DHRS12: variants seen among roughly 807,000 people sequenced by gnomAD.
DHRS12 encodes dehydrogenase/reductase SDR family member 12.
A neutral mutation model predicts 32.1 loss-of-function variants in DHRS12; 29 were observed. The observed-to-expected ratio is 0.90, with a 90% CI of 0.67 to 1.23. DHRS12 has a LOEUF of 1.23. DHRS12 is among the 50% of genes most tolerant of loss of function. DHRS12 has a pLI of 0.00. For synonymous variants in DHRS12, 150 were observed against 135.9 expected, an observed-to-expected ratio of 1.10 and a Z score of -0.72; for missense variants, 330 against 337.2, an observed-to-expected ratio of 0.98 and a Z score of 0.17.
At chr13:51,802,848 T>C (rs970817731) in intron 1 of DHRS12, among the ~76,000 whole-genome samples, 15 of 152,242 alleles carry the variant, frequency 9.9e-5, no homozygotes, top group African/African-American at 2.9e-4. Flanking sequence ...TTGGGCCCCT[T>C]GGCCTCACTT....
At chr13:51,791,922 G>A (rs1955291668) in intron 2 of DHRS12, among the ~76,000 whole-genome samples, 1 of 152,230 alleles carries the variant, frequency 6.6e-6, no homozygotes, top group Admixed American at 6.5e-5. Flanking sequence ...GTCGTTGCAG[G>A]ATTTCTTTCC....
intron 7 of DHRS12, among the ~76,000 whole-genome samples, chr13:51,770,153 T>A (rs1300699640): frequency 6.6e-6 from 1 of 152,210 alleles, no homozygotes. Flanking sequence ...AAAATAAACA[T>A]CTTTTTTTCT....
chr13:51,789,835 T>C (rs1955180282), intron 4 of DHRS12, 176 bp downstream of exon 4: 4 of 985,194 alleles, frequency 4.1e-6, no homozygotes, highest in Non-Finnish European at 4.8e-6. Flanking sequence ...ATAAGAAACA[T>C]GAAAAGAGAA....
intron 3 of DHRS12, among the ~76,000 whole-genome samples, chr13:51,790,529 G>T (rs1281883880): frequency 6.6e-6 from 1 of 152,150 alleles, no homozygotes; most frequent in Non-Finnish European, 1.5e-5. Flanking sequence ...AGATGGCATA[G>T]ATAATTTTTT....
chr13:51,804,072 C>A lies in DHRS12; in HGVS notation c.-27G>T. 1 of 1,493,296 alleles carries A rather than the reference C, an allele frequency of 6.7e-7. No homozygotes were observed. Among genetic ancestry groups the A allele is most frequent in the Non-Finnish European group, 8.9e-7 (1 of 1,128,350 alleles). 92.5% of individuals were successfully genotyped at this position (1,493,296 alleles called of 1,614,324 possible). ...GCCTTACTTGGTGTACTCGCGCAGC[C>A]CCTTGGCGAACCACACGACGCTGCG... On this transcript the variant is annotated 5_prime_UTR_variant, in exon 1 of 9. Transcript: ENST00000444610.
chr13:51,782,638 T>C lies in DHRS12; in HGVS notation c.302-5517A>G, dbSNP rs1158791735. On this transcript the variant is annotated intron_variant, in intron 4 of 8. Coordinates refer to ENST00000444610, the MANE Select transcript of DHRS12 (RefSeq NM_001377533.1). This position sits in a 1 kb window ranked among gnomAD's most constrained non-coding sequence, Gnocchi z 4.2. ...TGGTGGAGGAAGTGCTGTGCAGGCTTTTCTCCAGGGCCTAGCCAGGTGACT... is the reference window on the plus strand; with the variant it reads ...TGGTGGAGGAAGTGCTGTGCAGGCTCTTCTCCAGGGCCTAGCCAGGTGACT... Among the ~76,000 whole-genome samples the C allele has an allele frequency of 6.6e-6, 1 of 152,092 alleles. No individual in the cohort carries two copies. The highest frequency in any genetic ancestry group is 1.5e-5 in the Non-Finnish European group (1 of 67,998).
chr13:51,773,648 C>A (rs1169172274), intron 6 of DHRS12, among the ~76,000 whole-genome samples: 4 of 152,094 alleles, frequency 2.6e-5, no homozygotes, highest in Non-Finnish European at 5.9e-5. Context: ...CAGCACAGGG[C>A]AATGGATCCC....
chr13:51,758,311 A>G, the DHRS12 span: 2 of 1,564,720 alleles, frequency 1.3e-6, no homozygotes, highest in Non-Finnish European at 1.8e-6. Flanking sequence ...GTAAGATGCC[A>G]TCTTATTAAG....
chr13:51,768,632 G>C, intron 8 of DHRS12: 23 of 1,150,732 alleles, frequency 2.0e-5, no homozygotes, highest in Non-Finnish European at 2.5e-5. Flanking sequence ...ATCAAGAACA[G>C]AGGAAAGAGA....
In DHRS12 at chr13:51,770,729, T is replaced by C; in HGVS notation, c.559+1092A>G. 2 of 991,024 alleles carry C rather than the reference T, an allele frequency of 2.0e-6. 1 individual carries two copies. Among genetic ancestry groups the C allele is most frequent in the South Asian group, 8.7e-5 (2 of 22,920 alleles). The allele number at this position is 991,024 out of a possible 1,614,324, so 61.4% of individuals were successfully genotyped here. On this transcript the variant is annotated intron_variant, in intron 7 of 8. Coordinates refer to ENST00000444610, the MANE Select transcript of DHRS12 (RefSeq NM_001377533.1). ...CCACAAAGCACCAACACACACCTCT[T>C]TCTATAGGGGTGTGGTAGTTACAAA...
intron 4 of DHRS12, chr13:51,789,456 T>A: frequency 1.3e-6 from 1 of 796,628 alleles, no homozygotes; most frequent in Non-Finnish European, 1.5e-6. Context: ...ATTCTGTAGA[T>A]CTGGGTGGGG....
chr13:51,790,105 G>T lies in DHRS12; in HGVS notation c.220-13C>A. On this transcript the variant is annotated splice_polypyrimidine_tract_variant and intron_variant, in intron 3 of 8. Transcript: ENST00000444610. ...CTGCATTATTGATCTAAAATTTATA[G>T]TTCTCATTTCAAAATAAAGAAAAAT... 1 of 1,560,824 alleles carries T rather than the reference G, an allele frequency of 6.4e-7. No individual in the cohort carries two copies. The highest frequency in any genetic ancestry group is 8.6e-7 in the Non-Finnish European group (1 of 1,159,662).
At chr13:51,774,216 TC>T (rs1414444613) in intron 5 of DHRS12, 182 bp from the exon 6 acceptor site, 3 of 585,684 alleles carry the variant, frequency 5.1e-6, no homozygotes, top group Non-Finnish European at 6.1e-6. Flanking sequence ...ACATGTATTC[TC>T]CTACAGTACA....
In DHRS12 at chr13:51,804,066, C is replaced by T. The variant is rs1423626472; in HGVS notation, c.-21G>A. Reference sequence around the variant, plus strand: ...CGCGCCGCCTTACTTGGTGTACTCGCGCAGCCCCTTGGCGAACCACACGAC... The same window carrying T: ...CGCGCCGCCTTACTTGGTGTACTCGTGCAGCCCCTTGGCGAACCACACGAC... On this transcript the variant is annotated 5_prime_UTR_variant, in exon 1 of 9. Coordinates refer to ENST00000444610, the MANE Select transcript of DHRS12 (RefSeq NM_001377533.1). The T allele has an allele frequency of 6.7e-7, 1 of 1,489,102 alleles. No individual in the cohort carries two copies. Among genetic ancestry groups the T allele is most frequent in the Non-Finnish European group, 8.9e-7 (1 of 1,126,474 alleles). The allele number at this position is 1,489,102 out of a possible 1,614,324, so 92.2% of individuals were successfully genotyped here. A position where few individuals can be genotyped will look rare whatever the true frequency, so the allele number is the denominator to read the frequency against.
At chr13:51,767,923 C>T, downstream of DHRS12, 1 of 1,186,248 alleles carries the variant, frequency 8.4e-7, no homozygotes, top group Non-Finnish European at 1.1e-6. Flanking sequence ...TCATCTCAAA[C>T]TTCGAATTCT....
At chr13:51,774,336 G>A (rs1324964171) in intron 5 of DHRS12, 5 of 141,466 alleles carry the variant, frequency 3.5e-5, no homozygotes, top group African/African-American at 1.3e-4. Context: ...TTCTCCTACA[G>A]TATTCTCCTA....
At chr13:51,801,425 T>G (rs962134241) in intron 1 of DHRS12, among the ~76,000 whole-genome samples, 5 of 152,170 alleles carry the variant, frequency 3.3e-5, no homozygotes, top group Admixed American at 6.5e-5. Context: ...TGACCTCAGG[T>G]GATCCACCCA....
At chr13:51,801,322 G>A (rs756621024) in intron 1 of DHRS12, among the ~76,000 whole-genome samples, 3 of 152,086 alleles carry the variant, frequency 2.0e-5, no homozygotes, top group Non-Finnish European at 4.4e-5. Context: ...GAGTAGCTGG[G>A]GTTATAAGCG....
Position 51,768,191 on chromosome 13 carries a change from T to G in DHRS12, c.803A>C (p.Lys268Thr). The change falls in exon 9 of 9, where the codon AAA (lysine) becomes ACA (threonine). Residue 268 changes from lysine to threonine, a missense_variant. Transcript: ENST00000444610. ...CCGCACTGTGTCTGGGTTGGCCTAT[T>G]TAAATGTCTGAGCCAGCTGTTCCAG... ...EILEQLAQTF[K>T] 6.5e-7 allele frequency: 1 copy of G among 1,536,134 alleles called. No homozygotes were observed. The highest frequency in any genetic ancestry group is 2.0e-5 in the Admixed American group (1 of 51,002).
Sources: gnomAD v4.1 joint callset for allele counts (sites outside exome capture counted in the v4.1 genomes callset) on GRCh38, gnomAD v4.1.1 for gene constraint, Gnocchi (gnomAD v3.1) non-coding constraint, MANE v1.5 for transcripts, NCBI Gene and HGNC (gene_info 2026-07-23, HGNC 2026-07-21) for gene names.